The following SGK3 variants were observed in gnomAD, a reference collection of about 807,000 sequenced individuals.
The protein encoded by SGK3 is serine/threonine-protein kinase Sgk3.
A neutral mutation model predicts 68.5 loss-of-function variants in SGK3; 47 were observed. The ratio of observed to expected loss-of-function variants is 0.69; its 90% CI spans 0.54 to 0.87. SGK3 has a LOEUF of 0.87. Ranked by LOEUF, SGK3 falls within the 40% of genes least tolerant of loss-of-function variation. The pLI is 0.00. For missense variants in SGK3, 479 were observed against 575.5 expected (o/e 0.83, Z 1.72); for synonymous variants, 181 against 189.1 (o/e 0.96, Z 0.35).
chr8:66,818,085 G>A (rs1585762574), intron 5 of SGK3, among the ~76,000 whole-genome samples: 2 of 152,152 alleles, frequency 1.3e-5, no homozygotes, highest in South Asian at 4.1e-4. Context: ...TCCCACTGCA[G>A]TCCAACCTGG....
intron 1 of SGK3, among the ~76,000 whole-genome samples, chr8:66,780,140 T>C (rs1298595631): frequency 6.6e-6 from 1 of 152,180 alleles, no homozygotes; most frequent in African/African-American, 2.4e-5. Context: ...TTTATTAAGA[T>C]ACCATAGCAT....
intron 6 of SGK3, among the ~76,000 whole-genome samples, chr8:66,823,662 C>T (rs1477549966): frequency 6.6e-6 from 1 of 152,124 alleles, no homozygotes; most frequent in Non-Finnish European, 1.5e-5. Flanking sequence ...TCCCAAAGTG[C>T]TGGGATTACA....
chr8:66,822,736 A>G (rs533809411), intron 6 of SGK3, among the ~76,000 whole-genome samples: 45 of 152,284 alleles, frequency 3.0e-4, no homozygotes, highest in African/African-American at 1.1e-3. Context: ...CTCCTGCCTC[A>G]GCCTCCCCAG....
chr8:66,836,197 A>T, intron 10 of SGK3, 123 bp downstream of exon 10: 1 of 1,271,718 alleles, frequency 7.9e-7, no homozygotes, highest in Non-Finnish European at 1.1e-6. Flanking sequence ...AATAATATTC[A>T]AGGTACTGGC....
intron 1 of SGK3, chr8:66,778,229 C>G (rs1379785247): frequency 6.6e-6 from 1 of 152,228 alleles, no homozygotes; most frequent in Non-Finnish European, 1.5e-5. Context: ...GAACAAGAAG[C>G]ATGCACACAC....
chr8:66,806,925 G>A (rs1035117091), intron 4 of SGK3, among the ~76,000 whole-genome samples: 1 of 152,084 alleles, frequency 6.6e-6, no homozygotes, highest in Non-Finnish European at 1.5e-5. Context: ...TCTCCTTGGA[G>A]CACAGGTTGA....
chr8:66,728,800 G>A (rs932611050), intron 1 of SGK3, among the ~76,000 whole-genome samples: 1 of 151,950 alleles, frequency 6.6e-6, no homozygotes, highest in African/African-American at 2.4e-5. Context: ...TGTACCTATA[G>A]TCCTAGCTAC....
intron 16 of SGK3, among the ~76,000 whole-genome samples, chr8:66,856,828 C>T (rs1294096905): frequency 2.6e-5 from 4 of 152,162 alleles, no homozygotes; most frequent in Non-Finnish European, 5.9e-5. Flanking sequence ...TAACGAATTA[C>T]ACAACTGTAA....
At chr8:66,839,585 T>A (rs1195799789) in intron 10 of SGK3, among the ~76,000 whole-genome samples, 1 of 130,140 alleles carries the variant, frequency 7.7e-6, no homozygotes, top group Non-Finnish European at 1.6e-5. Flanking sequence ...TTTGTTCTGC[T>A]GGGCTCTAGT....
chr8:66,843,610 C>T, intron 14 of SGK3, 63 bp downstream of exon 14: 1 of 1,516,426 alleles, frequency 6.6e-7, no homozygotes, highest in South Asian at 1.1e-5. Flanking sequence ...CTGTCTGTCT[C>T]TCCCACCTTA....
At chr8:66,752,292 C>T (rs1805841459) in intron 1 of SGK3, among the ~76,000 whole-genome samples, 1 of 152,056 alleles carries the variant, frequency 6.6e-6, no homozygotes, top group South Asian at 2.1e-4. Context: ...ACCAACCACC[C>T]TTGACTGCGG....
At chr8:66,852,559 A>T (rs2130752317) in intron 16 of SGK3, among the ~76,000 whole-genome samples, 1 of 152,288 alleles carries the variant, frequency 6.6e-6, no homozygotes, top group Middle Eastern at 3.4e-3. Context: ...GATTACACGC[A>T]TGAGCTACTG....
At chr8:66,829,866 G>A (rs1477310636) in intron 7 of SGK3, among the ~76,000 whole-genome samples, 1 of 148,748 alleles carries the variant, frequency 6.7e-6, no homozygotes, top group African/African-American at 2.4e-5. Context: ...ACAAAAAATG[G>A]ATTTTTTTTT....
chr8:66,809,872 C>T lies in SGK3; in HGVS notation c.254-3981C>T, dbSNP rs144151624. 3.8e-3 allele frequency among the ~76,000 whole-genome samples: 578 copies of T among 152,290 alleles called. 4 individuals carry two copies. Among genetic ancestry groups the T allele is most frequent in the Non-Finnish European group, 6.2e-3 (425 of 68,016 alleles). On this transcript the variant is annotated intron_variant, in intron 4 of 16. Coordinates refer to ENST00000521198, the MANE Select transcript of SGK3 (RefSeq NM_001033578.3). The stretch of plus-strand genomic sequence containing the variant: ...CACTCATATGGTTTTTGGTAGAAAG[C>T]CTCAGCTCCTTGTGAGTGGGCCTCT...
chr8:66,817,185 C>T (rs1301047281), intron 5 of SGK3, among the ~76,000 whole-genome samples: 1 of 151,992 alleles, frequency 6.6e-6, no homozygotes, highest in African/African-American at 2.4e-5. Context: ...GTAATCTCAA[C>T]ACTTTGGGAG....
intron 1 of SGK3, among the ~76,000 whole-genome samples, chr8:66,718,740 A>G (rs1454234659): frequency 2.0e-5 from 3 of 151,554 alleles, no homozygotes; most frequent in Admixed American, 6.6e-5. Context: ...GTTGGTCAGG[A>G]TGGTCTCAAA....
intron 8 of SGK3, among the ~76,000 whole-genome samples, chr8:66,834,939 CAAAA>C (rs1330585850): frequency 6.6e-5 from 4 of 60,814 alleles, no homozygotes; most frequent in Admixed American, 1.9e-4. Context: ...GACTCTGTCT[CAAAA>C]AAAAAAAAAA....
chr8:66,835,654 TG>T, intron 8 of SGK3, 108 bp from the exon 9 acceptor site: 1 of 1,221,386 alleles, frequency 8.2e-7, no homozygotes, highest in South Asian at 1.7e-5. Flanking sequence ...AGGTCCCTTA[TG>T]GACTTTCTTT....
intron 10 of SGK3, among the ~76,000 whole-genome samples, chr8:66,838,102 TG>T (rs1303182697): frequency 6.6e-6 from 1 of 152,230 alleles, no homozygotes; most frequent in Non-Finnish European, 1.5e-5. Context: ...AGTCTCTCTC[TG>T]TCACCAGGCT....
Sources: gnomAD v4.1 joint callset for allele counts (sites outside exome capture counted in the v4.1 genomes callset) on GRCh38, gnomAD v4.1.1 for gene constraint, MANE v1.5 for transcripts, NCBI Gene and HGNC (gene_info 2026-07-23, HGNC 2026-07-21) for gene names.